TRIM44: variants seen among roughly 807,000 people sequenced by gnomAD.
The protein encoded by TRIM44 is tripartite motif-containing protein 44.
Under a neutral mutation model 37.4 loss-of-function variants are expected in TRIM44, and 13 were observed. That is an observed-to-expected ratio of 0.35 (90% CI 0.23 to 0.55). TRIM44 has a LOEUF of 0.55. Ranked by LOEUF, TRIM44 falls within the 20% of genes least tolerant of loss-of-function variation. TRIM44 has a pLI of 0.89. For missense variants in TRIM44, 426 were observed against 437.2 expected (o/e 0.97, Z 0.23); for synonymous variants, 175 against 157.2 (o/e 1.11, Z -0.85).
chr11:35,785,897 G>A (rs562151986), intron 4 of TRIM44, among the ~76,000 whole-genome samples: 1 of 152,208 alleles, frequency 6.6e-6, no homozygotes, highest in Non-Finnish European at 1.5e-5. Context: ...GCTCTAAGAT[G>A]ATTGAAACCC....
chr11:35,793,788 C>G (rs957853074), intron 4 of TRIM44, among the ~76,000 whole-genome samples: 20 of 152,142 alleles, frequency 1.3e-4, no homozygotes, highest in Admixed American at 9.8e-4. Context: ...AGAGCCAGGC[C>G]ATGGTAGTTT....
intron 4 of TRIM44, among the ~76,000 whole-genome samples, chr11:35,779,435 TG>T (rs1853028613): frequency 1.3e-5 from 2 of 152,216 alleles, no homozygotes; most frequent in South Asian, 4.2e-4. Flanking sequence ...TCACACTCCG[TG>T]AGCTGCACCC....
At chr11:35,666,746 A>C (rs1851337096) in intron 1 of TRIM44, among the ~76,000 whole-genome samples, 1 of 152,188 alleles carries the variant, frequency 6.6e-6, no homozygotes, top group Non-Finnish European at 1.5e-5. Flanking sequence ...TCGACACGGC[A>C]AGACCCTATC....
intron 4 of TRIM44, 147 bp downstream of exon 4, chr11:35,735,592 TG>T (rs1232351730): frequency 3.8e-6 from 3 of 782,660 alleles, no homozygotes; most frequent in Admixed American, 2.3e-5. Context: ...GATCTTATTT[TG>T]TAAGACTCCC....
intron 2 of TRIM44, among the ~76,000 whole-genome samples, chr11:35,717,221 G>A (rs1685306125): frequency 6.6e-6 from 1 of 152,178 alleles, no homozygotes; most frequent in South Asian, 2.1e-4. Context: ...GTAGAGTAGT[G>A]CTTCTCTCAG....
intron 2 of TRIM44, among the ~76,000 whole-genome samples, chr11:35,717,671 G>A (rs568757224): frequency 2.6e-5 from 4 of 152,200 alleles, no homozygotes; most frequent in South Asian, 2.1e-4. Context: ...CCCACTGGGC[G>A]GTTACAAAAC....
At position 35,735,442 on chromosome 11, in the gene TRIM44, C is replaced by T; in HGVS notation, c.1004C>T (p.Pro335Leu). 2.5e-6 allele frequency: 4 copies of T among 1,613,518 alleles called. No homozygotes were observed. Among genetic ancestry groups the T allele is most frequent in the Non-Finnish European group, 3.4e-6 (4 of 1,179,648 alleles). Residue 335 changes from proline to leucine, a missense_variant, in exon 4 of 5, where the codon CCC becomes CTC. Physicochemically the swap from Pro to Leu is moderately conservative, Grantham distance 98. Coordinates refer to ENST00000299413, the MANE Select transcript of TRIM44 (RefSeq NM_017583.6). The stretch of plus-strand genomic sequence containing the variant: ...GTCTTTCAGGGCGATGAGGAAGGAC[C>T]CAGGTAAGATCACATTGTTGCTTGT... ...EPKAEGDEEG[P>L]SGASEEEDT
chr11:35,727,438 T>C (rs546069249), intron 3 of TRIM44, among the ~76,000 whole-genome samples: 2 of 152,346 alleles, frequency 1.3e-5, no homozygotes, highest in East Asian at 3.9e-4. Flanking sequence ...GGCAGGTATT[T>C]CCAAGCTATC....
chr11:35,749,099 T>G (rs1483925047), intron 4 of TRIM44, among the ~76,000 whole-genome samples: 1 of 152,116 alleles, frequency 6.6e-6, no homozygotes, highest in Admixed American at 6.5e-5. Context: ...GAGTCTCAGT[T>G]GGAGGAGAAA....
intron 4 of TRIM44, among the ~76,000 whole-genome samples, chr11:35,806,012 ATTTAT>A (rs1263678712): frequency 6.6e-6 from 1 of 152,116 alleles, no homozygotes; most frequent in Non-Finnish European, 1.5e-5. Context: ...TTTACCAGCA[ATTTAT>A]TTTGTCAGTT....
chr11:35,664,012 T>C (rs1474207193), intron 1 of TRIM44, among the ~76,000 whole-genome samples: 2 of 152,194 alleles, frequency 1.3e-5, no homozygotes, highest in Non-Finnish European at 1.5e-5. Context: ...ATACAATTTC[T>C]AGAAAATTGC....
chr11:35,686,418 A>G (rs1851583189), intron 2 of TRIM44, among the ~76,000 whole-genome samples: 1 of 147,914 alleles, frequency 6.8e-6, no homozygotes, highest in Non-Finnish European at 1.5e-5. Flanking sequence ...TTTCTTGAGT[A>G]TCTACTGAGA....
chr11:35,735,439 G>A lies in TRIM44; in HGVS notation c.1001G>A (p.Gly334Glu). 1 of 1,613,718 alleles carries A rather than the reference G, an allele frequency of 6.2e-7. No homozygotes were observed. Among genetic ancestry groups the A allele is most frequent in the Non-Finnish European group, 8.5e-7 (1 of 1,179,738 alleles). The change falls in exon 4 of 5, where the codon GGA becomes GAA. Residue 334 changes from glycine to glutamate, a missense_variant. Gly to Glu is a moderately conservative substitution (Grantham distance 98, BLOSUM62 -2). Around this residue, in one of 2 missense-constraint regions of TRIM44, gnomAD observed 95 missense variants for 134.2 expected, o/e 0.71. Coordinates refer to ENST00000299413, the MANE Select transcript of TRIM44 (RefSeq NM_017583.6). ...TTTGTCTTTCAGGGCGATGAGGAAG[G>A]ACCCAGGTAAGATCACATTGTTGCT... ...AEPKAEGDEE[G>E]PSGASEEEDT
intron 4 of TRIM44, among the ~76,000 whole-genome samples, chr11:35,743,069 G>A (rs192540369): frequency 8.5e-4 from 129 of 152,082 alleles, no homozygotes; most frequent in African/African-American, 3.9e-4. Flanking sequence ...AAAATATAGC[G>A]TTTCTTCTGG....
chr11:35,815,417 G>A lies in TRIM44; in HGVS notation c.*9032G>A, dbSNP rs1853570937. The stretch of plus-strand genomic sequence containing the variant: ...AAGATTGCTCTTTGACTTGGTGATA[G>A]TAGGGCAATAGGGAGTGTCAGTAGG... On this transcript the variant is annotated 3_prime_UTR_variant, in exon 5 of 5. Transcript: ENST00000299413. 6.6e-6 allele frequency: 1 copy of A among 152,138 alleles called. No homozygotes were observed. The highest frequency in any genetic ancestry group is 1.5e-5 in the Non-Finnish European group (1 of 68,046). The allele number at this position is 152,138 out of a possible 1,614,324, so 9.4% of individuals were successfully genotyped here.
At chr11:35,694,333 T>C (rs1339724714) in intron 2 of TRIM44, among the ~76,000 whole-genome samples, 1 of 152,100 alleles carries the variant, frequency 6.6e-6, no homozygotes, top group Non-Finnish European at 1.5e-5. Flanking sequence ...TTCCTGGCAG[T>C]GTTCTCTTTA....
chr11:35,675,397 G>A (rs1302095095), intron 1 of TRIM44, among the ~76,000 whole-genome samples: 1 of 152,128 alleles, frequency 6.6e-6, no homozygotes, highest in African/African-American at 2.4e-5. Context: ...GCAGTCTAAG[G>A]TTGGCGTGGC....
intron 4 of TRIM44, among the ~76,000 whole-genome samples, chr11:35,802,704 GT>G (rs1853386397): frequency 6.6e-6 from 1 of 152,106 alleles, no homozygotes; most frequent in Admixed American, 6.5e-5. Context: ...ACTTCACTCC[GT>G]ATTTGTTCTC....
chr11:35,675,614 C>T (rs575320143), intron 1 of TRIM44, among the ~76,000 whole-genome samples: 7 of 152,234 alleles, frequency 4.6e-5, no homozygotes, highest in Middle Eastern at 3.4e-3. Context: ...CTCCGCCTCC[C>T]GGGTTCAAGT....
Sources: allele counts gnomAD v4.1 joint callset (sites outside exome capture counted in the v4.1 genomes callset), GRCh38; gene constraint gnomAD v4.1.1; regional missense constraint gnomAD v4.1.1; transcripts MANE v1.5; gene names NCBI Gene and HGNC (gene_info 2026-07-23, HGNC 2026-07-21).